Variants in LRRC4C observed in about 807,000 individuals in gnomAD.
LRRC4C encodes leucine-rich repeat-containing protein 4C.
LRRC4C carries 5 observed loss-of-function variants against 33.6 expected under a neutral mutation model. The ratio of observed to expected loss-of-function variants is 0.15; its 90% confidence interval spans 0.08 to 0.31. The LOEUF (loss-of-function observed/expected upper bound fraction) is 0.31, where lower values mean the gene tolerates loss of function less well. LRRC4C is among the 10% of genes least tolerant of loss of function. The pLI, the probability that LRRC4C is intolerant of heterozygous loss-of-function variation, is 1.00. For missense variants in LRRC4C, 560 were observed against 796.7 expected (o/e 0.70, Z 3.58); for synonymous variants, 329 against 302.0 (o/e 1.09, Z -0.93).
chr11:41,323,389 T>A (rs1951015309), intron 1 of LRRC4C, among the ~76,000 whole-genome samples: 1 of 152,154 alleles, frequency 6.6e-6, no homozygotes, highest in African/African-American at 2.4e-5. Context: ...TATACAAGTT[T>A]TCTGATTTAA....
intron 1 of LRRC4C, among the ~76,000 whole-genome samples, chr11:41,342,205 C>T (rs539754779): frequency 6.6e-6 from 1 of 152,312 alleles, no homozygotes; most frequent in South Asian, 2.1e-4. Context: ...CACAACTATA[C>T]ACTCTGCTGT....
At chr11:41,364,603 T>A (rs752988123) in intron 1 of LRRC4C, among the ~76,000 whole-genome samples, 1 of 152,148 alleles carries the variant, frequency 6.6e-6, no homozygotes, top group African/African-American at 2.4e-5. Flanking sequence ...GATCGTCAAA[T>A]GCAATAAGAA....
intron 2 of LRRC4C, among the ~76,000 whole-genome samples, chr11:40,746,149 G>C (rs974626021): frequency 6.6e-6 from 1 of 152,116 alleles, no homozygotes; most frequent in African/African-American, 2.4e-5. Context: ...AAGGCTAAGC[G>C]AGAGACCCTT....
chr11:40,774,036 C>G (rs1187726506), intron 2 of LRRC4C, among the ~76,000 whole-genome samples: 1 of 152,068 alleles, frequency 6.6e-6, no homozygotes, highest in African/African-American at 2.4e-5. Flanking sequence ...TCCCTGGCAA[C>G]TATTAATCTG....
intron 4 of LRRC4C, among the ~76,000 whole-genome samples, chr11:40,290,257 T>C (rs184424316): frequency 4.6e-4 from 70 of 152,306 alleles, no homozygotes; most frequent in African/African-American, 1.4e-3. Context: ...AAATGCTGAC[T>C]TAACTGTGGT....
chr11:41,080,635 G>A (rs1033348025), intron 1 of LRRC4C, among the ~76,000 whole-genome samples: 12 of 152,246 alleles, frequency 7.9e-5, no homozygotes, highest in East Asian at 1.9e-4. Context: ...TTACAGGCAT[G>A]AGCCACCATC....
chr11:41,016,682 C>T (rs1855604798), intron 1 of LRRC4C, among the ~76,000 whole-genome samples: 1 of 138,768 alleles, frequency 7.2e-6, no homozygotes, highest in Non-Finnish European at 1.6e-5. Flanking sequence ...TGGGTATTTG[C>T]TTCAATAATC....
intron 4 of LRRC4C, among the ~76,000 whole-genome samples, chr11:40,282,751 A>T (rs1056061002): frequency 6.6e-6 from 1 of 152,150 alleles, no homozygotes; most frequent in Non-Finnish European, 1.5e-5. Context: ...CCTTCATGTG[A>T]TCCAGTGTTT....
chr11:40,903,190 GAA>G (rs1413560920), intron 2 of LRRC4C, among the ~76,000 whole-genome samples: 1 of 152,116 alleles, frequency 6.6e-6, no homozygotes, highest in Non-Finnish European at 1.5e-5. Context: ...GAACCAATAA[GAA>G]TGATGCTAAA....
At chr11:40,880,706 G>T (rs1241820764) in intron 2 of LRRC4C, among the ~76,000 whole-genome samples, 1 of 151,596 alleles carries the variant, frequency 6.6e-6, no homozygotes, top group East Asian at 1.9e-4. Context: ...TTTCAAAGGA[G>T]TGTTAAGTGC....
intron 1 of LRRC4C, among the ~76,000 whole-genome samples, chr11:41,275,594 A>G (rs1341180804): frequency 7.9e-5 from 12 of 152,178 alleles, no homozygotes; most frequent in African/African-American, 2.4e-4. Flanking sequence ...ATAAATTAGA[A>G]ATGGAACAAA....
intron 1 of LRRC4C, among the ~76,000 whole-genome samples, chr11:41,381,807 A>G (rs1333597899): frequency 1.3e-5 from 2 of 151,704 alleles, no homozygotes; most frequent in East Asian, 3.9e-4. Context: ...AAAAGGCATC[A>G]AGTAGAGCTT....
At chr11:40,942,755 C>A (rs1299773737) in intron 1 of LRRC4C, among the ~76,000 whole-genome samples, 1 of 152,106 alleles carries the variant, frequency 6.6e-6, no homozygotes, top group African/African-American at 2.4e-5. Context: ...AGTATACAAG[C>A]TATTCAGATG....
chr11:40,557,612 T>G (rs10768609), intron 3 of LRRC4C, among the ~76,000 whole-genome samples: 66,750 of 151,866 alleles, frequency 0.44, 15,129 homozygotes, highest in East Asian at 0.68. Context: ...AGGGAGGGCA[T>G]GTGGTATGTC....
chr11:40,419,993 T>C (rs1373870953), intron 3 of LRRC4C, among the ~76,000 whole-genome samples: 1 of 152,186 alleles, frequency 6.6e-6, no homozygotes, highest in Non-Finnish European at 1.5e-5. Flanking sequence ...TAACTACTTA[T>C]GAAGAGCAGA....
chr11:41,171,150 T>C (rs575020778), intron 1 of LRRC4C, among the ~76,000 whole-genome samples: 1 of 152,200 alleles, frequency 6.6e-6, no homozygotes, highest in East Asian at 1.9e-4. Flanking sequence ...TTTTACACTG[T>C]TGGTGGGACT....
At chr11:40,312,883 T>A (rs1945382683) in intron 4 of LRRC4C, among the ~76,000 whole-genome samples, 1 of 151,132 alleles carries the variant, frequency 6.6e-6, no homozygotes, top group African/African-American at 2.5e-5. Context: ...GCTCAAGCTC[T>A]CCCAAGCAAC....
intron 1 of LRRC4C, among the ~76,000 whole-genome samples, chr11:41,174,081 C>T (rs566264429): frequency 1.3e-5 from 2 of 151,960 alleles, no homozygotes; most frequent in Non-Finnish European, 2.9e-5. Context: ...CCAATGAAAT[C>T]ATATTGCCTA....
At chr11:41,208,803 C>G (rs1011818510) in intron 1 of LRRC4C, among the ~76,000 whole-genome samples, 1 of 152,178 alleles carries the variant, frequency 6.6e-6, no homozygotes, top group Non-Finnish European at 1.5e-5. Context: ...GAGGATGGAG[C>G]CACCTCCTTG....
Sources: gnomAD v4.1 joint callset for allele counts (sites outside exome capture counted in the v4.1 genomes callset) on GRCh38, gnomAD v4.1.1 for gene constraint, MANE v1.5 for transcripts, NCBI Gene and HGNC (gene_info 2026-07-23, HGNC 2026-07-21) for gene names.